MAPK8: variants seen among roughly 807,000 people sequenced by gnomAD.
The protein encoded by MAPK8 is mitogen-activated protein kinase 8, also known as JUN N-terminal kinase.
Under a neutral mutation model 52.9 loss-of-function variants are expected in MAPK8, and 13 were observed. That is an observed-to-expected ratio of 0.25 (90% CI 0.16 to 0.39). The LOEUF is 0.39. Ranked by LOEUF, MAPK8 falls within the 10% of genes least tolerant of loss-of-function variation. The pLI is 1.00. For synonymous variants in MAPK8, 191 were observed against 169.8 expected (o/e 1.12, Z -0.97); for missense variants, 300 against 519.2 (o/e 0.58, Z 4.10).
In MAPK8 at chr10:48,409,866, A is replaced by T. The variant is rs1338743208; in HGVS notation, c.253-13A>T. 6.3e-7 allele frequency: 1 copy of T among 1,583,480 alleles called. No individual in the cohort carries two copies. Among genetic ancestry groups the T allele is most frequent in the Non-Finnish European group, 8.6e-7 (1 of 1,158,188 alleles). Reference sequence around the variant, plus strand: ...TAATTTCTAATTTTTCTGTCTCTCGACTTTTATTATAGATAATTGGCCTTT... The same window carrying T: ...TAATTTCTAATTTTTCTGTCTCTCGTCTTTTATTATAGATAATTGGCCTTT... On this transcript the variant is annotated splice_polypyrimidine_tract_variant and intron_variant, in intron 3 of 11. Coordinates refer to ENST00000374189, the MANE Select transcript of MAPK8 (RefSeq NM_001323329.2).
At chr10:48,375,142 A>G (rs1480295566) in intron 1 of MAPK8, among the ~76,000 whole-genome samples, 2 of 152,226 alleles carry the variant, frequency 1.3e-5, no homozygotes, top group African/African-American at 2.4e-5. Context: ...CAAAAACCAC[A>G]TGATTATCTG....
intron 1 of MAPK8, among the ~76,000 whole-genome samples, chr10:48,383,193 C>A (rs2041116515): frequency 6.6e-6 from 1 of 151,844 alleles, no homozygotes; most frequent in African/African-American, 2.4e-5. Flanking sequence ...GATGCACAAG[C>A]CATCTCCAAA....
intron 1 of MAPK8, among the ~76,000 whole-genome samples, chr10:48,391,459 A>G (rs1213300443): frequency 6.6e-6 from 1 of 152,136 alleles, no homozygotes; most frequent in Non-Finnish European, 1.5e-5. Flanking sequence ...TGATGGAGAG[A>G]TCAGTATATC....
At chr10:48,405,366 C>CT (rs924624837) in intron 3 of MAPK8, among the ~76,000 whole-genome samples, 13 of 152,146 alleles carry the variant, frequency 8.5e-5, no homozygotes, top group Non-Finnish European at 1.6e-4. Context: ...CTTTGACACT[C>CT]TGACTTTAAT....
chr10:48,413,818 TATATATA>T (rs2042899095), intron 5 of MAPK8, among the ~76,000 whole-genome samples: 3 of 58,934 alleles, frequency 5.1e-5, no homozygotes, highest in Admixed American at 2.4e-4. Context: ...AGAATTGTTA[TATATATA>T]TATATATATA....
Position 48,438,194 on chromosome 10 carries a change from ACTT to A in MAPK8, c.*3168_*3170del, listed in dbSNP as rs921568885. Reference sequence around the variant, plus strand: ...GCATGAAGCCCCATGACACCAGTAAACTTCTCTTACCAGTAGGTAAACCAAACA... The same window carrying A: ...GCATGAAGCCCCATGACACCAGTAAACTCTTACCAGTAGGTAAACCAAACA... On this transcript the variant is annotated 3_prime_UTR_variant, in exon 12 of 12. Coordinates refer to ENST00000374189, the MANE Select transcript of MAPK8 (RefSeq NM_001323329.2). 3.3e-5 allele frequency: 5 copies of A among 152,338 alleles called. No individual in the cohort carries two copies. The highest frequency in any genetic ancestry group is 6.8e-3 in the Middle Eastern group (2 of 294). 9.4% of individuals were successfully genotyped at this position (152,338 alleles called of 1,614,324 possible). A position where few individuals can be genotyped will look rare whatever the true frequency, so the allele number is the denominator to read the frequency against.
chr10:48,391,305 G>T (rs2041608775), intron 1 of MAPK8, among the ~76,000 whole-genome samples: 2 of 152,094 alleles, frequency 1.3e-5, no homozygotes, highest in African/African-American at 4.8e-5. Context: ...GCCAATATTT[G>T]TTCATATGTT....
rs186491834 is a variant in MAPK8 at position 48,398,026 on chromosome 10, T to A, written c.-49-3586T>A. Among the ~76,000 whole-genome samples the A allele has an allele frequency of 6.1e-3, 936 of 152,286 alleles. 5 individuals carry two copies. The highest frequency in any genetic ancestry group is 9.8e-3 in the Non-Finnish European group (666 of 68,028). On this transcript the variant is annotated intron_variant, in intron 1 of 11. Transcript: ENST00000374189. ...GGAAAGTTTCTAGTTTGATTAATAG[T>A]TTTATACCAGTGTTAGTTTCCTCAT... is the stretch of plus-strand genomic sequence containing the variant.
intron 6 of MAPK8, 26 bp downstream of exon 6, chr10:48,420,346 A>G: frequency 6.5e-7 from 1 of 1,536,156 alleles, no homozygotes; most frequent in Non-Finnish European, 8.8e-7. Context: ...TATTTGAAAT[A>G]TTTTTCTGAT....
chr10:48,359,942 A>C (rs1281493297), intron 1 of MAPK8, among the ~76,000 whole-genome samples: 1 of 152,208 alleles, frequency 6.6e-6, no homozygotes, highest in Non-Finnish European at 1.5e-5. Context: ...AGAAATCTTT[A>C]TAAGGGGAGT....
intron 1 of MAPK8, among the ~76,000 whole-genome samples, chr10:48,396,424 A>C (rs1421538300): frequency 6.6e-6 from 1 of 152,224 alleles, no homozygotes; most frequent in Non-Finnish European, 1.5e-5. Context: ...GAATGGCTAA[A>C]ATTAAAAGTA....
intron 1 of MAPK8, among the ~76,000 whole-genome samples, chr10:48,395,462 CAATG>C (rs2041839359): frequency 6.6e-6 from 1 of 151,906 alleles, no homozygotes; most frequent in Non-Finnish European, 1.5e-5. Context: ...GAATGCAAAA[CAATG>C]AATCTTAACC....
At chr10:48,409,114 CTG>C (rs915376629) in intron 3 of MAPK8, among the ~76,000 whole-genome samples, 12 of 152,038 alleles carry the variant, frequency 7.9e-5, no homozygotes, top group Non-Finnish European at 1.6e-4. Flanking sequence ...GACAATCAAT[CTG>C]TAACACTAGT....
chr10:48,343,220 A>G (rs1419534713), intron 1 of MAPK8, among the ~76,000 whole-genome samples: 1 of 152,200 alleles, frequency 6.6e-6, no homozygotes, highest in Non-Finnish European at 1.5e-5. Context: ...CACCAGGGCC[A>G]TGCTCTCTCC....
chr10:48,432,993 A>G (rs956347627), intron 11 of MAPK8, among the ~76,000 whole-genome samples: 1 of 152,184 alleles, frequency 6.6e-6, no homozygotes, highest in Non-Finnish European at 1.5e-5. Flanking sequence ...CTTGATTTTT[A>G]AAAGGAATTT....
chr10:48,385,042 C>T (rs2041227980), intron 1 of MAPK8, among the ~76,000 whole-genome samples: 1 of 152,092 alleles, frequency 6.6e-6, no homozygotes, highest in African/African-American at 2.4e-5. Context: ...ATCAGGAATT[C>T]TTGTTGGTTT....
chr10:48,333,776 G>T (rs1418158725), intron 1 of MAPK8, among the ~76,000 whole-genome samples: 1 of 152,276 alleles, frequency 6.6e-6, no homozygotes, highest in African/African-American at 2.4e-5. Context: ...GGCTGTGGAT[G>T]CCTCTGCGGG....
At position 48,416,964 on chromosome 10, in the gene MAPK8, C is replaced by T. The variant is rs145519415; in HGVS notation, c.451-3191C>T. Among the ~76,000 whole-genome samples, 10 of 152,260 alleles carry T rather than the reference C, an allele frequency of 6.6e-5. No individual in the cohort carries two copies. The South Asian group carries it at 1.9e-3, about 28-fold the overall frequency. ...CTATAAAAGATTGGGGCCCAAGGGTCATTTTAAGGCCATCCTTCTCAGCCT... is the reference window on the plus strand; with the variant it reads ...CTATAAAAGATTGGGGCCCAAGGGTTATTTTAAGGCCATCCTTCTCAGCCT... On this transcript the variant is annotated intron_variant, in intron 5 of 11. Transcript: ENST00000374189.
chr10:48,403,597 G>T (rs1015949790), intron 2 of MAPK8, among the ~76,000 whole-genome samples: 1 of 152,014 alleles, frequency 6.6e-6, no homozygotes. Context: ...GAGTCATTTT[G>T]TAAGCCGTTT....
Sources: gnomAD v4.1 joint callset for allele counts (sites outside exome capture counted in the v4.1 genomes callset) on GRCh38, gnomAD v4.1.1 for gene constraint, MANE v1.5 for transcripts, NCBI Gene and HGNC (gene_info 2026-07-23, HGNC 2026-07-21) for gene names.